Variants in HECW1 observed in about 807,000 individuals in gnomAD.
HECW1 encodes the protein E3 ubiquitin-protein ligase HECW1.
HECW1 carries 61 observed loss-of-function variants against 182.3 expected under a neutral mutation model. The ratio of observed to expected loss-of-function variants is 0.33; its 90% confidence interval spans 0.27 to 0.41. The LOEUF (loss-of-function observed/expected upper bound fraction) is 0.41. HECW1 is among the 10% of genes least tolerant of loss of function. The pLI is 1.00. For synonymous variants in HECW1, 859 were observed against 832.6 expected (o/e 1.03, Z -0.55); for missense variants, 1,739 against 2,108.9 (o/e 0.82, Z 3.44).
intron 6 of HECW1, among the ~76,000 whole-genome samples, chr7:43,379,461 C>T (rs2074459633): frequency 1.3e-5 from 2 of 152,180 alleles, no homozygotes; most frequent in South Asian, 4.1e-4. Context: ...AGTAGCTCCT[C>T]CTTCTCCTGC....
intron 2 of HECW1, among the ~76,000 whole-genome samples, chr7:43,160,061 T>A (rs532302115): frequency 2.6e-5 from 4 of 152,252 alleles, no homozygotes; most frequent in Non-Finnish European, 5.9e-5. Flanking sequence ...ATTAAACTAT[T>A]GTTTCACTTC....
At chr7:43,215,192 G>A (rs547394382) in intron 2 of HECW1, among the ~76,000 whole-genome samples, 18 of 152,332 alleles carry the variant, frequency 1.2e-4, no homozygotes, top group South Asian at 6.2e-4. Context: ...TATAGGCACC[G>A]CCTAGTCAGA....
intron 3 of HECW1, among the ~76,000 whole-genome samples, chr7:43,311,403 G>T (rs963571207): frequency 1.3e-5 from 2 of 152,142 alleles, no homozygotes; most frequent in Non-Finnish European, 2.9e-5. Flanking sequence ...TCTAATTGAC[G>T]TTGGAGAACT....
rs71008897 is a variant in HECW1 at position 43,221,537 on chromosome 7, G to GTTTTTTTTTTTTTTTTTT, written c.-31-22313_-31-22296dup. On this transcript the variant is annotated intron_variant, in intron 2 of 29. Transcript: ENST00000395891. ...CTAAACTAAATGTCAGAGGAATTAG[G>GTTTTTTTTTTTTTTTTTT]TTTTTTTTTTTTTTTTTTTTTTTTT... 7.9e-5 allele frequency among the ~76,000 whole-genome samples: 4 copies of GTTTTTTTTTTTTTTTTTT among 50,500 alleles called. 1 individual carries two copies. Among genetic ancestry groups the GTTTTTTTTTTTTTTTTTT allele is most frequent in the African/African-American group, 2.3e-4 (3 of 13,016 alleles). The allele number at this position is 50,500 out of a possible 152,430, so 33.1% of individuals were successfully genotyped here.
chr7:43,145,176 T>C (rs1788566275), intron 2 of HECW1, among the ~76,000 whole-genome samples: 1 of 152,230 alleles, frequency 6.6e-6, no homozygotes, highest in African/African-American at 2.4e-5. Flanking sequence ...TCTTGAGATA[T>C]GGGTTGATTG....
At chr7:43,192,157 C>T (rs1202930889) in intron 2 of HECW1, among the ~76,000 whole-genome samples, 1 of 152,100 alleles carries the variant, frequency 6.6e-6, no homozygotes, top group African/African-American at 2.4e-5. Flanking sequence ...TGGGGTTTCA[C>T]CATATTGGCC....
intron 2 of HECW1, among the ~76,000 whole-genome samples, chr7:43,196,143 C>T (rs1375862705): frequency 6.6e-6 from 1 of 152,184 alleles, no homozygotes; most frequent in East Asian, 1.9e-4. Context: ...CCTGCAACCA[C>T]TTTGTATTAT....
At chr7:43,229,560 A>G (rs1422731387) in intron 2 of HECW1, among the ~76,000 whole-genome samples, 2 of 152,126 alleles carry the variant, frequency 1.3e-5, no homozygotes, top group Non-Finnish European at 2.9e-5. Context: ...AATAATCTGT[A>G]CCACAATCCC....
chr7:43,425,406 C>A (rs540633731), intron 8 of HECW1, among the ~76,000 whole-genome samples: 158 of 152,152 alleles, frequency 1.0e-3, no homozygotes, highest in African/African-American at 3.7e-3. Context: ...TATTCCATAA[C>A]CTTCTGGTCA....
chr7:43,527,229 G>C (rs1182429584), intron 24 of HECW1, among the ~76,000 whole-genome samples: 1 of 152,166 alleles, frequency 6.6e-6, no homozygotes, highest in Non-Finnish European at 1.5e-5. Flanking sequence ...GACAAGCAAG[G>C]AGGAGGGCTA....
At chr7:43,392,391 CA>C (rs2075067665) in intron 6 of HECW1, among the ~76,000 whole-genome samples, 1 of 152,188 alleles carries the variant, frequency 6.6e-6, no homozygotes, top group Non-Finnish European at 1.5e-5. Context: ...AGCTTTTACC[CA>C]AAGGAAGTAA....
chr7:43,444,825 G>A lies in HECW1; in HGVS notation c.1653G>A (p.Gly551=), dbSNP rs571396325. 6.2e-6 allele frequency: 10 copies of A among 1,613,966 alleles called. No homozygotes were observed. The highest frequency in any genetic ancestry group is 1.7e-5 in the Admixed American group (1 of 60,034). The change falls in exon 11 of 30, where the codon GGG becomes GGA. Residue 551 remains glycine, a synonymous_variant. Transcript: ENST00000395891. The surrounding 1 kb of genome is among the most constrained non-coding windows in gnomAD (Gnocchi z 4.3). ...ELETVIASAC[G]DPETPRTHYI... The stretch of plus-strand genomic sequence containing the variant: ...AGACGGTGATCGCGTCAGCCTGCGG[G>A]GACCCCGAGACCCCGCGGACACACT...
At chr7:43,412,252 G>A (rs894181456) in intron 8 of HECW1, among the ~76,000 whole-genome samples, 30 of 151,924 alleles carry the variant, frequency 2.0e-4, no homozygotes, top group Admixed American at 1.6e-3. Context: ...CCACACTCGT[G>A]ATCTTTCTTG....
At chr7:43,375,265 G>A (rs993768413) in intron 6 of HECW1, among the ~76,000 whole-genome samples, 5 of 151,938 alleles carry the variant, frequency 3.3e-5, no homozygotes, top group Non-Finnish European at 5.9e-5. Flanking sequence ...ACAGCACAAA[G>A]ATGTGCTTGG....
intron 5 of HECW1, among the ~76,000 whole-genome samples, chr7:43,322,979 A>C (rs1810326292): frequency 6.6e-6 from 1 of 152,206 alleles, no homozygotes; most frequent in Admixed American, 6.5e-5. Flanking sequence ...GATAAATATT[A>C]AGGAAGAGGA....
chr7:43,175,989 C>T (rs1470843934), intron 2 of HECW1, among the ~76,000 whole-genome samples: 1 of 152,176 alleles, frequency 6.6e-6, no homozygotes, highest in Non-Finnish European at 1.5e-5. Context: ...ATTTGGATAA[C>T]CTTTTGGATA....
intron 2 of HECW1, among the ~76,000 whole-genome samples, chr7:43,224,441 G>C (rs1797247459): frequency 6.6e-6 from 1 of 152,188 alleles, no homozygotes; most frequent in African/African-American, 2.4e-5. Context: ...TGAGTTCGGG[G>C]ATGTGGCATT....
chr7:43,445,716 G>GCACA, intron 11 of HECW1, 146 bp downstream of exon 11: 2 of 966,040 alleles, frequency 2.1e-6, no homozygotes, highest in Non-Finnish European at 3.0e-6. Flanking sequence ...ATACATGTGT[G>GCACA]CATGTGTATC....
At position 43,508,109 on chromosome 7, in the gene HECW1, G is replaced by A. The variant is rs781549541; in HGVS notation, c.3844G>A (p.Val1282Ile). 1.2e-5 allele frequency: 20 copies of A among 1,613,668 alleles called. No individual in the cohort carries two copies. The highest frequency in any genetic ancestry group is 1.7e-4 in the Middle Eastern group (1 of 6,056). Residue 1282 changes from valine to isoleucine, a missense_variant, in exon 23 of 30, where the codon GTC (valine) becomes ATC (isoleucine). This residue lies in a region of HECW1 where 420 missense variants were observed against 595.7 expected (regional missense o/e 0.71). Coordinates refer to ENST00000395891, the MANE Select transcript of HECW1 (RefSeq NM_015052.5). Reference sequence around the variant, plus strand: ...AGAGCTCCAGCGAAACAAGCTCTACGTCACCTTTGTTGGAGAGGAGGGGTG... The same window carrying A: ...AGAGCTCCAGCGAAACAAGCTCTACATCACCTTTGTTGGAGAGGAGGGGTG... ...RKELQRNKLYVTFVGEEGLDY... is the reference protein window; with the variant it reads ...RKELQRNKLYITFVGEEGLDY...
Sources: gnomAD v4.1 joint callset for allele counts (sites outside exome capture counted in the v4.1 genomes callset) on GRCh38, gnomAD v4.1.1 for gene constraint, gnomAD v4.1.1 regional missense constraint, Gnocchi (gnomAD v3.1) non-coding constraint, MANE v1.5 for transcripts, NCBI Gene and HGNC (gene_info 2026-07-23, HGNC 2026-07-21) for gene names.